Variants in ROCK1 observed in about 807,000 individuals in gnomAD.
The protein encoded by ROCK1 is Rho associated coiled-coil containing protein kinase 1, also known as rho-associated protein kinase 1.
ROCK1 carries 36 observed loss-of-function variants against 196.8 expected under a neutral mutation model. The observed-to-expected ratio is 0.18, with a 90% CI of 0.14 to 0.24. The LOEUF (loss-of-function observed/expected upper bound fraction) is 0.24, where lower values mean the gene tolerates loss of function less well. Among genes scored for constraint, ROCK1 ranks in the 10% least tolerant of loss-of-function variants. The pLI, the probability that ROCK1 is intolerant of heterozygous loss-of-function variation, is 1.00. For missense variants in ROCK1, 920 were observed against 1,562.0 expected, an observed-to-expected ratio of 0.59 and a Z score of 6.93; for synonymous variants, 443 against 515.9, an observed-to-expected ratio of 0.86 and a Z score of 1.91.
At position 21,034,690 on chromosome 18, in the gene ROCK1, T is replaced by C. The variant is rs114018329; in HGVS notation, c.1051+4782A>G. ...AAACATACTAGCTGAAACTATAAAA[T>C]TCAAAGAAAACATAGGTAAGACATT... is the stretch of plus-strand genomic sequence containing the variant. On this transcript the variant is annotated intron_variant, in intron 9 of 32. Transcript: ENST00000399799. Among the ~76,000 whole-genome samples, 649 of 152,260 alleles carry C rather than the reference T, an allele frequency of 4.3e-3. 3 individuals are homozygous for C. The highest frequency in any genetic ancestry group is 0.015 in the African/African-American group (621 of 41,552).
At chr18:21,093,384 T>C (rs1257050692) in intron 1 of ROCK1, among the ~76,000 whole-genome samples, 3 of 152,190 alleles carry the variant, frequency 2.0e-5, no homozygotes, top group Non-Finnish European at 4.4e-5. Flanking sequence ...GGTTACTCTA[T>C]TGTTTTTGTG....
chr18:21,045,025 T>TG (rs1555752214), intron 5 of ROCK1: 4 of 108,672 alleles, frequency 3.7e-5, no homozygotes, highest in African/African-American at 8.0e-5. Context: ...CACACCTGTG[T>TG]TTTTTTTTTT....
At chr18:20,984,140 G>A (rs759458910) in intron 20 of ROCK1, among the ~76,000 whole-genome samples, 1 of 152,118 alleles carries the variant, frequency 6.6e-6, no homozygotes, top group South Asian at 2.1e-4. Flanking sequence ...GACTTTTGTG[G>A]ACATGAAAAT....
In ROCK1 at chr18:20,950,381, T is replaced by G. The variant is rs2035174437; in HGVS notation, c.*1003A>C. 1 of 152,596 alleles carries G rather than the reference T, an allele frequency of 6.6e-6. No individual in the cohort carries two copies. The highest frequency in any genetic ancestry group is 1.5e-5 in the Non-Finnish European group (1 of 68,028). 9.5% of individuals were successfully genotyped at this position (152,596 alleles called of 1,614,324 possible). ...ATGAAAAACTCACTGACACACATAA[T>G]TTTTTGAAAATACATTTTTTGAAAT... On this transcript the variant is annotated 3_prime_UTR_variant, in exon 33 of 33. Coordinates refer to ENST00000399799, the MANE Select transcript of ROCK1 (RefSeq NM_005406.3).
rs1420126234 is a variant in ROCK1 at position 20,950,215 on chromosome 18, C to T, written c.*1169G>A. On this transcript the variant is annotated 3_prime_UTR_variant, in exon 33 of 33. Transcript: ENST00000399799. The stretch of plus-strand genomic sequence containing the variant: ...ACATCATGGATGTATTGCCATATTT[C>T]CTTTTTATGTTGGTGCAACCTTCTA... The T allele has an allele frequency of 2.0e-5, 3 of 152,458 alleles. No individual in the cohort carries two copies. The highest frequency in any genetic ancestry group is 7.2e-5 in the African/African-American group (3 of 41,434). The allele number at this position is 152,458 out of a possible 1,614,324, so 9.4% of individuals were successfully genotyped here.
intron 8 of ROCK1, 52 bp downstream of exon 8, chr18:21,042,045 G>A: frequency 6.6e-7 from 1 of 1,521,824 alleles, no homozygotes; most frequent in Non-Finnish European, 8.9e-7. Context: ...AAATGGAGCA[G>A]AAGATGAGAA....
chr18:21,065,716 T>C (rs1308697889), intron 2 of ROCK1, among the ~76,000 whole-genome samples: 2 of 152,194 alleles, frequency 1.3e-5, no homozygotes, highest in Non-Finnish European at 2.9e-5. Flanking sequence ...AAATGTCACC[T>C]GAAATCTTTC....
At chr18:21,031,604 C>CAAAAAAAAAAAA (rs781463990) in intron 9 of ROCK1, among the ~76,000 whole-genome samples, 166 of 51,524 alleles carry the variant, frequency 3.2e-3, no homozygotes, top group Non-Finnish European at 4.3e-3. Flanking sequence ...GACTCCATCT[C>CAAAAAAAAAAAA]AAAAAAAAAA....
In ROCK1 at chr18:21,042,811, G is replaced by A. The variant is rs1370056614; in HGVS notation, c.676-102C>T. On this transcript the variant is annotated intron_variant, in intron 6 of 32. Coordinates refer to ENST00000399799, the MANE Select transcript of ROCK1 (RefSeq NM_005406.3). ...TACCTATGGGACTCCAAATCTTTGA[G>A]CTATAAAATATCATATATTAAAACT... The A allele has an allele frequency of 9.7e-6, 11 of 1,133,210 alleles. No homozygotes were observed. In the East Asian group the frequency reaches 2.5e-4, roughly 26 times the overall value. The allele number at this position is 1,133,210 out of a possible 1,614,324, so 70.2% of individuals were successfully genotyped here. A position where few individuals can be genotyped will look rare whatever the true frequency, so the allele number is the denominator to read the frequency against.
At chr18:21,106,988 A>G (rs1364721442) in intron 1 of ROCK1, among the ~76,000 whole-genome samples, 1 of 152,214 alleles carries the variant, frequency 6.6e-6, no homozygotes, top group Non-Finnish European at 1.5e-5. Flanking sequence ...AGATTTTAAA[A>G]TATTTGCATA....
intron 28 of ROCK1, 37 bp downstream of exon 28, chr18:20,960,099 C>A (rs753735050): frequency 7.3e-7 from 1 of 1,376,476 alleles, no homozygotes; most frequent in South Asian, 1.2e-5. Context: ...AAATATAGAA[C>A]AAAATACCAG....
Position 21,028,145 on chromosome 18 carries a change from C to T in ROCK1, c.1211+631G>A, listed in dbSNP as rs183681108. ...GAAAAGTCTACATGCTGGCCAGGCA[C>T]GGTGGGTCACGCCTGTAATCCCAGC... On this transcript the variant is annotated intron_variant, in intron 10 of 32. Transcript: ENST00000399799. Among the ~76,000 whole-genome samples the T allele has an allele frequency of 1.1e-3, 164 of 149,886 alleles. 1 individual carries two copies. The highest frequency in any genetic ancestry group is 2.9e-3 in the Admixed American group (44 of 15,074).
chr18:21,069,721 G>A (rs1006537230), intron 2 of ROCK1, among the ~76,000 whole-genome samples: 9 of 152,044 alleles, frequency 5.9e-5, no homozygotes, highest in African/African-American at 1.9e-4. Flanking sequence ...TGTCAGGTAG[G>A]GAGGTAAGCA....
At chr18:20,984,278 TA>T in intron 20 of ROCK1, 72 bp downstream of exon 20, 1 of 1,153,516 alleles carries the variant, frequency 8.7e-7, no homozygotes. Flanking sequence ...TGTACATATG[TA>T]AAATGTCAAA....
chr18:21,104,495 G>A (rs1471252122), intron 1 of ROCK1, among the ~76,000 whole-genome samples: 2 of 152,186 alleles, frequency 1.3e-5, no homozygotes, highest in Non-Finnish European at 2.9e-5. Flanking sequence ...TACTCAGGAG[G>A]CTGAGGCAGG....
chr18:21,029,567 G>C (rs2035988822), intron 9 of ROCK1, among the ~76,000 whole-genome samples: 2 of 151,922 alleles, frequency 1.3e-5, no homozygotes, highest in South Asian at 4.1e-4. Flanking sequence ...AATGCAGTGA[G>C]GTATTTATGA....
chr18:20,957,575 G>A (rs1349990450), intron 29 of ROCK1, among the ~76,000 whole-genome samples: 1 of 152,090 alleles, frequency 6.6e-6, no homozygotes, highest in Non-Finnish European at 1.5e-5. Flanking sequence ...CAGCCTCCTG[G>A]GTTCAAGCGA....
At chr18:20,995,872 A>C (rs982019725) in intron 16 of ROCK1, among the ~76,000 whole-genome samples, 4 of 152,304 alleles carry the variant, frequency 2.6e-5, no homozygotes, top group African/African-American at 7.2e-5. Flanking sequence ...AGATATGGCT[A>C]CAGTGACCAA....
Position 21,006,489 on chromosome 18 carries a change from T to G in ROCK1, c.1747A>C (p.Arg583=). The change falls in exon 16 of 33, where the codon AGA becomes CGA. Residue 583 remains arginine, a synonymous_variant. Coordinates refer to ENST00000399799, the MANE Select transcript of ROCK1 (RefSeq NM_005406.3). ...KSISQLESLN[R]ELQERNRILE... ...ATTCGATTTCTCTCTTGCAACTCTC[T>G]GTTCAGGGACTCTAACTGACTAATT... 1.9e-6 allele frequency: 3 copies of G among 1,613,918 alleles called. No individual in the cohort carries two copies. Among genetic ancestry groups the G allele is most frequent in the Non-Finnish European group, 2.5e-6 (3 of 1,179,960 alleles).
Sources: allele counts gnomAD v4.1 joint callset (sites outside exome capture counted in the v4.1 genomes callset), GRCh38; gene constraint gnomAD v4.1.1; transcripts MANE v1.5; gene names NCBI Gene and HGNC (gene_info 2026-07-23, HGNC 2026-07-21).